The following DACH2 variants were observed in gnomAD, a reference collection of about 807,000 sequenced individuals.
DACH2 encodes the protein dachshund family transcription factor 2.
A neutral mutation model predicts 35.8 loss-of-function variants in DACH2; 17 were observed. The ratio of observed to expected loss-of-function variants is 0.48; its 90% CI spans 0.33 to 0.71. The LOEUF is 0.71. Among genes scored for constraint, DACH2 ranks in the 30% least tolerant of loss-of-function variants. The probability of loss-of-function intolerance (pLI) is 0.02; values close to 1 mark genes in which losing one functional copy is unlikely to be tolerated. For missense variants in DACH2, 469 were observed against 472.7 expected (o/e 0.99, Z 0.07); for synonymous variants, 195 against 177.3 (o/e 1.10, Z -0.79).
At chrX:86,667,444 AGAAAG>A (rs1241649641) in intron 4 of DACH2, among the ~76,000 whole-genome samples, 2 of 77,330 alleles carry the variant, frequency 2.6e-5, no homozygotes, top group African/African-American at 5.1e-5. Flanking sequence ...GAAAGAAAGA[AGAAAG>A]AGAAAGAAAG....
At position 86,445,938 on chromosome X, in the gene DACH2, G is replaced by C. The variant is rs562416376; in HGVS notation, c.528-68341G>C. Among the ~76,000 whole-genome samples the C allele has an allele frequency of 1.1e-4, 12 of 111,575 alleles. 1 individual carries two copies. The South Asian group carries it at 4.5e-3, about 42-fold the overall frequency. On this transcript the variant is annotated intron_variant, in intron 2 of 11. Transcript: ENST00000373125. ...CTGTGTGGACGATCAGTCAGTTTCT[G>C]TAAGTGAGACGTTGATGTCCCCTAC...
intron 2 of DACH2, chrX:86,481,784 C>A (rs1039075512): frequency 8.9e-6 from 1 of 112,084 alleles, no homozygotes; most frequent in Admixed American, 9.4e-5. Context: ...ATAGATACAA[C>A]GTTGAATGGA....
chrX:86,415,260 G>A lies in DACH2; in HGVS notation c.527+38398G>A, dbSNP rs183278463. 1.2e-4 allele frequency among the ~76,000 whole-genome samples: 13 copies of A among 111,728 alleles called. No individual in the cohort carries two copies. In the East Asian group the frequency reaches 3.1e-3, roughly 27 times the overall value. ...GATCTTTTCTTTCTTTCTTTTCAAC[G>A]TAGGACTAATTTCTGTAGAAATTTT... On this transcript the variant is annotated intron_variant, in intron 2 of 11. Transcript: ENST00000373125.
At chrX:86,751,425 A>G (rs2041771759) in intron 7 of DACH2, among the ~76,000 whole-genome samples, 1 of 111,392 alleles carries the variant, frequency 9.0e-6, no homozygotes, top group African/African-American at 3.3e-5. Context: ...ACAACACACA[A>G]TTATCTCAAC....
At chrX:86,729,030 C>G (rs2041502343) in intron 6 of DACH2, among the ~76,000 whole-genome samples, 1 of 112,007 alleles carries the variant, frequency 8.9e-6, no homozygotes. Context: ...TCTGAGACCC[C>G]AGAATGGTAG....
At chrX:86,397,428 G>A (rs1265358222) in intron 2 of DACH2, among the ~76,000 whole-genome samples, 1 of 111,082 alleles carries the variant, frequency 9.0e-6, no homozygotes, top group Non-Finnish European at 1.9e-5. Flanking sequence ...CAACACTATG[G>A]TGAATAGGAG....
At chrX:86,572,189 A>G (rs1375939615) in intron 3 of DACH2, among the ~76,000 whole-genome samples, 3 of 111,084 alleles carry the variant, frequency 2.7e-5, no homozygotes, top group African/African-American at 9.8e-5. Context: ...ACATGTATAC[A>G]TATGTAACAA....
At chrX:86,429,537 T>G (rs1002561314) in intron 2 of DACH2, among the ~76,000 whole-genome samples, 2 of 101,450 alleles carry the variant, frequency 2.0e-5, no homozygotes, top group African/African-American at 7.9e-5. Flanking sequence ...TAGAGTGCAT[T>G]TCTTTTCTTT....
chrX:86,433,038 A>G (rs1289815663), intron 2 of DACH2, among the ~76,000 whole-genome samples: 1 of 111,879 alleles, frequency 8.9e-6, no homozygotes, highest in Non-Finnish European at 1.9e-5. Flanking sequence ...GGACAATTTG[A>G]TTAAACTGTG....
At chrX:86,559,605 T>C in intron 3 of DACH2, among the ~76,000 whole-genome samples, 1 of 48,658 alleles carries the variant, frequency 2.1e-5, no homozygotes, top group African/African-American at 9.6e-5. Flanking sequence ...CAGGACTTGC[T>C]TTATGAATCT....
intron 7 of DACH2, among the ~76,000 whole-genome samples, chrX:86,744,256 C>A (rs778499498): frequency 2.7e-5 from 3 of 110,987 alleles, no homozygotes; most frequent in South Asian, 7.5e-4. Context: ...CATTAATAAG[C>A]AAGAGTGGCA....
intron 2 of DACH2, among the ~76,000 whole-genome samples, chrX:86,401,157 T>C (rs2036420940): frequency 8.9e-6 from 1 of 112,334 alleles, no homozygotes; most frequent in Non-Finnish European, 1.9e-5. Flanking sequence ...TGAGGCTCCG[T>C]GGGTGTAGGA....
At chrX:86,713,095 C>T (rs987163210) in intron 5 of DACH2, among the ~76,000 whole-genome samples, 3 of 111,351 alleles carry the variant, frequency 2.7e-5, no homozygotes, top group African/African-American at 9.8e-5. Flanking sequence ...GATTGTGCTG[C>T]CTTTGTACTT....
chrX:86,568,548 A>G (rs1369668540), intron 3 of DACH2, among the ~76,000 whole-genome samples: 3 of 111,852 alleles, frequency 2.7e-5, no homozygotes, highest in Non-Finnish European at 5.7e-5. Flanking sequence ...AGAGAGAGGA[A>G]GACTAAAGTG....
chrX:86,343,922 G>A (rs936670498), intron 1 of DACH2, among the ~76,000 whole-genome samples: 2 of 110,460 alleles, frequency 1.8e-5, no homozygotes, highest in African/African-American at 6.6e-5. Flanking sequence ...AGGGTAGTGG[G>A]GGGCTGGGGA....
intron 3 of DACH2, among the ~76,000 whole-genome samples, chrX:86,590,787 C>T (rs1019804398): frequency 3.6e-5 from 4 of 110,656 alleles, no homozygotes; most frequent in Admixed American, 9.6e-5. Context: ...ATAGGTATCT[C>T]GCAGTTTTAT....
At chrX:86,434,790 C>T (rs762248890) in intron 2 of DACH2, among the ~76,000 whole-genome samples, 25 of 111,646 alleles carry the variant, frequency 2.2e-4, no homozygotes, top group Non-Finnish European at 4.7e-4. Context: ...CATTGGCTCA[C>T]GGTTGTGCAG....
At chrX:86,561,894 G>A (rs1297979313) in intron 3 of DACH2, among the ~76,000 whole-genome samples, 2 of 40,583 alleles carry the variant, frequency 4.9e-5, no homozygotes, top group Non-Finnish European at 4.6e-5. Context: ...AAAACTTAAA[G>A]TAGAATTAAA....
chrX:86,501,896 T>C (rs1300070335), intron 2 of DACH2, among the ~76,000 whole-genome samples: 2 of 111,516 alleles, frequency 1.8e-5, no homozygotes, highest in South Asian at 3.8e-4. Flanking sequence ...AAAAAATCAA[T>C]ATATTTGGAT....
Sources: allele counts gnomAD v4.1 joint callset (sites outside exome capture counted in the v4.1 genomes callset), GRCh38; gene constraint gnomAD v4.1.1; transcripts MANE v1.5; gene names NCBI Gene and HGNC (gene_info 2026-07-23, HGNC 2026-07-21).